FAAH2: variants seen among roughly 807,000 people sequenced by gnomAD.
FAAH2 encodes the protein fatty acid amide hydrolase 2.
Under a neutral mutation model 36.9 loss-of-function variants are expected in FAAH2, and 60 were observed. That is an observed-to-expected ratio of 1.63 (90% CI 1.32 to 2.02). The LOEUF (loss-of-function observed/expected upper bound fraction) is 2.02, where lower values mean the gene tolerates loss of function less well. Among genes scored for constraint, FAAH2 ranks in the 30% most tolerant of loss-of-function variants. The pLI is 0.00. For missense variants in FAAH2, 689 were observed against 397.5 expected, an observed-to-expected ratio of 1.73 and a Z score of -6.23; for synonymous variants, 214 against 143.8, an observed-to-expected ratio of 1.49 and a Z score of -3.49.
chrX:57,199,733 T>C, the FAAH2 span, among the ~76,000 whole-genome samples: 154 of 111,676 alleles, frequency 1.4e-3, no homozygotes, highest in Non-Finnish European at 2.4e-3. Flanking sequence ...TTAGTAATAA[T>C]AATATTAGTT....
chrX:57,235,816 C>G, the FAAH2 span, among the ~76,000 whole-genome samples: 1 of 112,548 alleles, frequency 8.9e-6, no homozygotes. Flanking sequence ...GCATGCCCAT[C>G]CCACCAAACC....
the FAAH2 span, chrX:57,135,393 C>A: frequency 6.3e-6 from 1 of 159,743 alleles, no homozygotes; most frequent in Non-Finnish European, 1.2e-5. Flanking sequence ...CCAAGGAGCC[C>A]CTCCCTTTCT....
chrX:57,245,395 G>A, the FAAH2 span, among the ~76,000 whole-genome samples: 1 of 111,793 alleles, frequency 8.9e-6, no homozygotes, highest in South Asian at 3.8e-4. Context: ...GACATCTACA[G>A]AACTCTCCAC....
At chrX:57,265,957 A>G in the FAAH2 span, among the ~76,000 whole-genome samples, 2 of 111,310 alleles carry the variant, frequency 1.8e-5, no homozygotes, top group African/African-American at 6.5e-5. Context: ...CAGAGGTTTC[A>G]GACCTCCCTG....
intron 8 of FAAH2, among the ~76,000 whole-genome samples, chrX:57,435,939 TGACCTTGTATA>T (rs1332535692): frequency 1.8e-5 from 2 of 111,502 alleles, no homozygotes; most frequent in African/African-American, 6.5e-5. Context: ...AGACCATGTA[TGACCTTGTATA>T]GACCTTGTAT....
chrX:57,456,278 C>G (rs2056864284), intron 10 of FAAH2, among the ~76,000 whole-genome samples: 1 of 111,995 alleles, frequency 8.9e-6, no homozygotes, highest in Non-Finnish European at 1.9e-5. Context: ...CTTACCAAAT[C>G]TTTGAGATGC....
At chrX:57,342,644 C>T (rs901032891) in intron 5 of FAAH2, among the ~76,000 whole-genome samples, 1 of 110,889 alleles carries the variant, frequency 9.0e-6, no homozygotes, top group South Asian at 3.8e-4. Flanking sequence ...ATTCTACGTT[C>T]AGGGGGCACA....
At chrX:57,394,497 G>T in intron 7 of FAAH2, 2 of 1,205,884 alleles carry the variant, frequency 1.7e-6, no homozygotes, top group Non-Finnish European at 2.2e-6. Context: ...ATGTCACTTG[G>T]AACAGGTGTC....
At chrX:57,203,346 A>T in the FAAH2 span, among the ~76,000 whole-genome samples, 27 of 112,313 alleles carry the variant, frequency 2.4e-4, no homozygotes, top group Non-Finnish European at 4.5e-4. Context: ...TGGTTCAGGA[A>T]CACTTTTAAG....
the FAAH2 span, among the ~76,000 whole-genome samples, chrX:57,261,552 C>CAAAA: frequency 1.3e-4 from 3 of 23,376 alleles, no homozygotes; most frequent in Non-Finnish European, 2.1e-4. Context: ...GACTCTGTCT[C>CAAAA]AAAAAAAAAA....
At chrX:57,150,228 T>C in the FAAH2 span, among the ~76,000 whole-genome samples, 1 of 112,134 alleles carries the variant, frequency 8.9e-6, no homozygotes, top group Non-Finnish European at 1.9e-5. Context: ...GAAAAGAATG[T>C]ATATTCTGTT....
the FAAH2 span, among the ~76,000 whole-genome samples, chrX:57,160,984 G>C: frequency 1.2e-4 from 13 of 111,526 alleles, no homozygotes; most frequent in Non-Finnish European, 1.5e-4. Flanking sequence ...CCTGCTTTCT[G>C]TTGTGGGCAT....
the FAAH2 span, among the ~76,000 whole-genome samples, chrX:57,129,463 C>T: frequency 3.6e-5 from 4 of 111,817 alleles, no homozygotes; most frequent in East Asian, 1.1e-3. Context: ...TATGTACTTA[C>T]ATAAATTATA....
At chrX:57,215,893 C>A in the FAAH2 span, among the ~76,000 whole-genome samples, 2 of 82,868 alleles carry the variant, frequency 2.4e-5, no homozygotes, top group Non-Finnish European at 4.3e-5. Flanking sequence ...GTACAGCAAA[C>A]CACCATGGCA....
intron 7 of FAAH2, among the ~76,000 whole-genome samples, chrX:57,388,809 C>G (rs2055089989): frequency 9.0e-6 from 1 of 110,931 alleles, no homozygotes; most frequent in Non-Finnish European, 1.9e-5. Context: ...TTTTTACTGT[C>G]TTTATACTTT....
chrX:57,293,617 G>T (rs976019140), intron 2 of FAAH2, among the ~76,000 whole-genome samples: 8 of 111,570 alleles, frequency 7.2e-5, no homozygotes, highest in Non-Finnish European at 1.9e-5. Context: ...GTAATTTGGG[G>T]GTACTTTTGG....
intron 3 of FAAH2, among the ~76,000 whole-genome samples, chrX:57,315,120 C>T (rs1427523015): frequency 4.5e-5 from 5 of 110,969 alleles, no homozygotes; most frequent in Non-Finnish European, 9.5e-5. Context: ...GAAAGATTGT[C>T]ACAATCAATT....
chrX:57,265,519 C>A, the FAAH2 span, among the ~76,000 whole-genome samples: 8 of 111,278 alleles, frequency 7.2e-5, no homozygotes, highest in African/African-American at 2.6e-4. Flanking sequence ...GAGTCCAAAC[C>A]AAACGGGGGC....
At chrX:57,394,314 T>G in intron 7 of FAAH2, 1 of 1,034,197 alleles carries the variant, frequency 9.7e-7, no homozygotes, top group Non-Finnish European at 1.4e-6. Context: ...GGTGTTGGAG[T>G]TATTCCAGTC....
Sources: gnomAD v4.1 joint callset for allele counts (sites outside exome capture counted in the v4.1 genomes callset) on GRCh38, gnomAD v4.1.1 for gene constraint, MANE v1.5 for transcripts, NCBI Gene and HGNC (gene_info 2026-07-23, HGNC 2026-07-21) for gene names.